Variants in FAM193A observed in about 807,000 individuals in gnomAD.
FAM193A encodes protein FAM193A.
FAM193A carries 22 observed loss-of-function variants against 126.5 expected under a neutral mutation model. The ratio of observed to expected loss-of-function variants is 0.17; its 90% CI spans 0.12 to 0.25. The LOEUF (loss-of-function observed/expected upper bound fraction) is 0.25. Among genes scored for constraint, FAM193A ranks in the 10% least tolerant of loss-of-function variants. FAM193A has a pLI of 1.00. For missense variants in FAM193A, 1,675 were observed against 1,672.8 expected (o/e 1.00, Z -0.02); for synonymous variants, 761 against 646.8 (o/e 1.18, Z -2.68).
chr4:2,586,532 T>G (rs1182070953), intron 1 of FAM193A, among the ~76,000 whole-genome samples: 2 of 152,170 alleles, frequency 1.3e-5, no homozygotes, highest in African/African-American at 4.8e-5. Flanking sequence ...GGTTATAAAT[T>G]TAGTGTATGT....
At chr4:2,660,233 T>C (rs558198121) in intron 10 of FAM193A, among the ~76,000 whole-genome samples, 179 bp downstream of exon 10, 1 of 151,992 alleles carries the variant, frequency 6.6e-6, no homozygotes, top group South Asian at 2.1e-4. Flanking sequence ...CTTTTAACAC[T>C]GTTTATCTGG....
intron 2 of FAM193A, among the ~76,000 whole-genome samples, chr4:2,603,290 GT>G (rs71178488): frequency 0.99 from 138,467 of 139,548 alleles, 68,696 homozygotes; most frequent in East Asian, 1. Context: ...GGCTTTTTTT[GT>G]TTTTTTTTTT....
At chr4:2,705,131 CA>C (rs1718165076) in intron 19 of FAM193A, among the ~76,000 whole-genome samples, 1 of 152,160 alleles carries the variant, frequency 6.6e-6, no homozygotes, top group African/African-American at 2.4e-5. Flanking sequence ...GGGATGGTCT[CA>C]ATCTCCTGAC....
chr4:2,701,783 T>TC (rs1479564015), intron 19 of FAM193A, among the ~76,000 whole-genome samples: 2 of 152,090 alleles, frequency 1.3e-5, no homozygotes, highest in Non-Finnish European at 2.9e-5. Context: ...TGGTGATTTT[T>TC]TTTTTTTTTT....
chr4:2,537,574 GTGGCGCCTCGCCCGC>G (rs1261942387), intron 1 of FAM193A, among the ~76,000 whole-genome samples: 1 of 152,240 alleles, frequency 6.6e-6, no homozygotes, highest in Admixed American at 6.5e-5. Flanking sequence ...GGCTTCTGTC[GTGGCGCCTCGCCCGC>G]TGCGGCGGTT....
intron 13 of FAM193A, among the ~76,000 whole-genome samples, chr4:2,688,395 A>T (rs1171915067): frequency 6.6e-6 from 1 of 152,122 alleles, no homozygotes; most frequent in Non-Finnish European, 1.5e-5. Context: ...TGAGGAAGCG[A>T]TCTTTAGGCC....
At chr4:2,626,307 G>T in intron 3 of FAM193A, 103 bp from the exon 4 acceptor site, 1 of 635,006 alleles carries the variant, frequency 1.6e-6, no homozygotes, top group South Asian at 1.7e-5. Context: ...CCTGGGAGCT[G>T]GGCAAGGTGC....
At chr4:2,540,677 C>A (rs764986027) in intron 1 of FAM193A, among the ~76,000 whole-genome samples, 1 of 151,592 alleles carries the variant, frequency 6.6e-6, no homozygotes, top group Non-Finnish European at 1.5e-5. Flanking sequence ...AACGAAAAAA[C>A]AGGCCGAGTG....
intron 5 of FAM193A, among the ~76,000 whole-genome samples, chr4:2,632,546 C>T (rs1743697232): frequency 6.6e-6 from 1 of 151,920 alleles, no homozygotes. Context: ...GATCCTATCT[C>T]AAAAAGAAAA....
chr4:2,632,805 C>G (rs1439794282), intron 5 of FAM193A, among the ~76,000 whole-genome samples: 1 of 152,160 alleles, frequency 6.6e-6, no homozygotes, highest in African/African-American at 2.4e-5. Flanking sequence ...AGCACAGCCT[C>G]CCCGTCTCTA....
intron 5 of FAM193A, among the ~76,000 whole-genome samples, chr4:2,639,322 A>G (rs2109024730): frequency 6.6e-6 from 1 of 152,340 alleles, no homozygotes; most frequent in African/African-American, 2.4e-5. Flanking sequence ...CAAATAGGTA[A>G]GAAAATTGTT....
At chr4:2,712,855 C>A (rs1376697171) in intron 19 of FAM193A, among the ~76,000 whole-genome samples, 1 of 151,920 alleles carries the variant, frequency 6.6e-6, no homozygotes, top group Non-Finnish European at 1.5e-5. Flanking sequence ...GTAATCCCAG[C>A]ACTTTGGGAG....
At chr4:2,708,502 G>A (rs750257746) in intron 19 of FAM193A, among the ~76,000 whole-genome samples, 5 of 150,464 alleles carry the variant, frequency 3.3e-5, no homozygotes, top group East Asian at 3.9e-4. Context: ...CATTCTTGTC[G>A]CCCAGGCTGG....
In FAM193A at chr4:2,703,698, T is replaced by C. The variant is rs563786503; in HGVS notation, c.4372+3154T>C. Among the ~76,000 whole-genome samples the C allele has an allele frequency of 3.0e-3, 445 of 148,356 alleles. 4 individuals are homozygous for C. The highest frequency in any genetic ancestry group is 5.5e-3 in the Non-Finnish European group (367 of 67,144). ...GTAAGTGTGTTCCCGGTGTGGTGGC[T>C]CACGCCTGTAATCCCAACACTTTGG... On this transcript the variant is annotated intron_variant, in intron 19 of 20. Transcript: ENST00000637812.
At chr4:2,626,607 C>A in intron 4 of FAM193A, 30 bp downstream of exon 4, 1 of 675,992 alleles carries the variant, frequency 1.5e-6, no homozygotes, top group South Asian at 1.5e-5. Flanking sequence ...GTTGTGGCCC[C>A]ATGCAAACCC....
intron 1 of FAM193A, among the ~76,000 whole-genome samples, chr4:2,579,746 G>A (rs1267069473): frequency 6.6e-6 from 1 of 152,038 alleles, no homozygotes; most frequent in Non-Finnish European, 1.5e-5. Flanking sequence ...TTTCAGCAGT[G>A]AGAATGGCTG....
At chr4:2,647,080 C>T (rs576628706) in intron 7 of FAM193A, among the ~76,000 whole-genome samples, 8 of 152,314 alleles carry the variant, frequency 5.3e-5, no homozygotes, top group African/African-American at 1.9e-4. Context: ...GTCAAGTTTT[C>T]CTTGGCCTGG....
chr4:2,723,819 TG>T (rs1215527913), intron 20 of FAM193A, among the ~76,000 whole-genome samples: 1 of 152,268 alleles, frequency 6.6e-6, no homozygotes, highest in East Asian at 1.9e-4. Context: ...TGTTTTGTTT[TG>T]TTTTTTTGAG....
At chr4:2,731,317 G>A (rs370999554) in intron 20 of FAM193A, among the ~76,000 whole-genome samples, 3 of 150,968 alleles carry the variant, frequency 2.0e-5, no homozygotes, top group East Asian at 3.9e-4. Context: ...GCAGTGAGCC[G>A]AAACTGCCAC....
Sources: allele counts gnomAD v4.1 joint callset (sites outside exome capture counted in the v4.1 genomes callset), GRCh38; gene constraint gnomAD v4.1.1; transcripts MANE v1.5; gene names NCBI Gene and HGNC (gene_info 2026-07-23, HGNC 2026-07-21).